Variants in SIK2 observed in about 807,000 individuals in gnomAD.
SIK2 encodes the protein serine/threonine-protein kinase SIK2.
In SIK2, 29 loss-of-function variants were observed where a neutral mutation model predicts 103.2. The ratio of observed to expected loss-of-function variants is 0.28; its 90% CI spans 0.21 to 0.38. The LOEUF is 0.38. Among genes scored for constraint, SIK2 ranks in the 10% least tolerant of loss-of-function variants. The pLI, the probability that SIK2 is intolerant of heterozygous loss-of-function variation, is 1.00. For missense variants in SIK2, 879 were observed against 1,171.0 expected, an observed-to-expected ratio of 0.75 and a Z score of 3.64; for synonymous variants, 412 against 446.1, an observed-to-expected ratio of 0.92 and a Z score of 0.96.
chr11:111,692,377 A>C (rs1326629867), intron 4 of SIK2, among the ~76,000 whole-genome samples: 3 of 143,008 alleles, frequency 2.1e-5, no homozygotes, highest in African/African-American at 5.2e-5. Flanking sequence ...AAAAAAAAAA[A>C]AAAAAAAAAA....
chr11:111,644,610 A>G (rs1221988355), intron 3 of SIK2, among the ~76,000 whole-genome samples: 1 of 152,136 alleles, frequency 6.6e-6, no homozygotes, highest in Admixed American at 6.5e-5. Context: ...AACATACAGT[A>G]TGTCTCATAC....
rs1177364781 is a variant in SIK2 at position 111,729,984 on chromosome 11, G to A, written c.*5855G>A. 1 of 146,188 alleles carries A rather than the reference G, an allele frequency of 6.8e-6. No individual in the cohort carries two copies. The allele number at this position is 146,188 out of a possible 1,614,324, so 9.1% of individuals were successfully genotyped here. The stretch of plus-strand genomic sequence containing the variant: ...CAAGGGGCCGCATCGCACGGCATCA[G>A]GCCACCACTGCAGGCCAGCAGATTC... On this transcript the variant is annotated 3_prime_UTR_variant, in exon 15 of 15. Transcript: ENST00000304987.
intron 1 of SIK2, among the ~76,000 whole-genome samples, chr11:111,615,559 T>C (rs1438617485): frequency 2.0e-5 from 3 of 152,200 alleles, no homozygotes; most frequent in African/African-American, 4.8e-5. Context: ...ACCTAGTCAT[T>C]CACCTTCATA....
At chr11:111,655,061 A>G (rs183200663) in intron 3 of SIK2, among the ~76,000 whole-genome samples, 5 of 152,346 alleles carry the variant, frequency 3.3e-5, no homozygotes, top group Non-Finnish European at 7.3e-5. Flanking sequence ...CAGTTTTATC[A>G]GTAGATTCTT....
chr11:111,649,268 C>G (rs1210034061), intron 3 of SIK2, among the ~76,000 whole-genome samples: 1 of 152,122 alleles, frequency 6.6e-6, no homozygotes, highest in Admixed American at 6.6e-5. Context: ...ATCTGCTAAT[C>G]AAACACTGTA....
chr11:111,663,475 A>G (rs1942494521), intron 3 of SIK2, among the ~76,000 whole-genome samples: 1 of 152,064 alleles, frequency 6.6e-6, no homozygotes, highest in South Asian at 2.1e-4. Context: ...AAGGGACAGG[A>G]TATGGTTGAG....
At chr11:111,706,772 C>T (rs964682092) in intron 8 of SIK2, among the ~76,000 whole-genome samples, 2 of 151,772 alleles carry the variant, frequency 1.3e-5, no homozygotes, top group Admixed American at 6.6e-5. Context: ...TCATCCTGGC[C>T]AACATGGTGA....
intron 6 of SIK2, 104 bp from the exon 7 acceptor site, chr11:111,703,099 G>A: frequency 2.1e-6 from 2 of 937,094 alleles, no homozygotes; most frequent in Non-Finnish European, 3.3e-6. Context: ...TTCCAGTAGA[G>A]GATACAAAGA....
intron 3 of SIK2, among the ~76,000 whole-genome samples, chr11:111,621,210 C>G (rs959513586): frequency 6.6e-6 from 1 of 152,138 alleles, no homozygotes; most frequent in East Asian, 1.9e-4. Context: ...TTCTTTGTGC[C>G]CTCTTTGTAA....
chr11:111,650,883 A>G (rs559698110), intron 3 of SIK2, among the ~76,000 whole-genome samples: 1 of 152,282 alleles, frequency 6.6e-6, no homozygotes, highest in South Asian at 2.1e-4. Context: ...TGGTCTTAGT[A>G]GGCATGAGTT....
Position 111,688,645 on chromosome 11 carries a change from A to C in SIK2, c.478+483A>C, listed in dbSNP as rs915222522. On this transcript the variant is annotated intron_variant, in intron 4 of 14. Coordinates refer to ENST00000304987, the MANE Select transcript of SIK2 (RefSeq NM_015191.3). The surrounding 1 kb of genome is among the most constrained non-coding windows in gnomAD (Gnocchi z 4.2). ...TGATACGATAGGGTTTTGATTTATA[A>C]CATGAAAATTAAGTTGGGTAGAGAT... Among the ~76,000 whole-genome samples the C allele has an allele frequency of 2.6e-5, 4 of 152,234 alleles. No homozygotes were observed. The South Asian group carries it at 8.3e-4, about 32-fold the overall frequency.
chr11:111,706,503 C>G (rs1943351298), intron 8 of SIK2, among the ~76,000 whole-genome samples: 1 of 152,090 alleles, frequency 6.6e-6, no homozygotes, highest in Non-Finnish European at 1.5e-5. Flanking sequence ...AAAATAAGGG[C>G]AGGAGAGTTT....
At chr11:111,631,221 A>C (rs966990405) in intron 3 of SIK2, among the ~76,000 whole-genome samples, 2 of 152,170 alleles carry the variant, frequency 1.3e-5, no homozygotes, top group Non-Finnish European at 2.9e-5. Flanking sequence ...TTCAAGATAG[A>C]GGTATTTCAT....
chr11:111,626,236 A>C (rs1402261895), intron 3 of SIK2, among the ~76,000 whole-genome samples: 1 of 152,200 alleles, frequency 6.6e-6, no homozygotes, highest in East Asian at 1.9e-4. Flanking sequence ...TAAAAAGATC[A>C]TGAAATCTTT....
intron 8 of SIK2, among the ~76,000 whole-genome samples, chr11:111,709,852 C>G (rs962308931): frequency 6.6e-6 from 1 of 152,186 alleles, no homozygotes; most frequent in Non-Finnish European, 1.5e-5. Flanking sequence ...TAGTCCAGGT[C>G]GGATGTGAAC....
intron 3 of SIK2, among the ~76,000 whole-genome samples, chr11:111,621,097 TC>T (rs1565312529): frequency 6.6e-6 from 1 of 152,212 alleles, no homozygotes; most frequent in Non-Finnish European, 1.5e-5. Flanking sequence ...GAAGAATAAT[TC>T]ATATGTAGTA....
chr11:111,621,775 G>A (rs573376350), intron 3 of SIK2, among the ~76,000 whole-genome samples: 1 of 152,196 alleles, frequency 6.6e-6, no homozygotes, highest in East Asian at 1.9e-4. Flanking sequence ...TTAGCTAGGT[G>A]TGGTAGTGCA....
intron 3 of SIK2, among the ~76,000 whole-genome samples, chr11:111,621,856 T>C (rs1269577441): frequency 1.3e-5 from 2 of 151,912 alleles, no homozygotes; most frequent in Non-Finnish European, 2.9e-5. Flanking sequence ...GAGGCTGCAG[T>C]GAGCCACGAC....
At chr11:111,645,130 G>T (rs1317646665) in intron 3 of SIK2, among the ~76,000 whole-genome samples, 4 of 152,084 alleles carry the variant, frequency 2.6e-5, no homozygotes, top group Non-Finnish European at 5.9e-5. Context: ...GATAACACAT[G>T]GATATGGATC....
Sources: allele counts gnomAD v4.1 joint callset (sites outside exome capture counted in the v4.1 genomes callset), GRCh38; gene constraint gnomAD v4.1.1; non-coding constraint Gnocchi (gnomAD v3.1); transcripts MANE v1.5; gene names NCBI Gene and HGNC (gene_info 2026-07-23, HGNC 2026-07-21).